The following UNC5D variants were observed in gnomAD, a reference collection of about 807,000 sequenced individuals.
UNC5D encodes netrin receptor UNC5D.
UNC5D carries 39 observed loss-of-function variants against 105.4 expected under a neutral mutation model. The ratio of observed to expected loss-of-function variants is 0.37; its 90% CI spans 0.29 to 0.48. UNC5D has a LOEUF of 0.48. UNC5D is among the 20% of genes least tolerant of loss of function. UNC5D has a pLI of 0.98. For missense variants in UNC5D, 991 were observed against 1,202.4 expected (o/e 0.82, Z 2.60); for synonymous variants, 452 against 450.4 (o/e 1.00, Z -0.04).
intron 1 of UNC5D, among the ~76,000 whole-genome samples, chr8:35,428,049 A>G (rs1312618290): frequency 6.6e-6 from 1 of 152,198 alleles, no homozygotes; most frequent in Non-Finnish European, 1.5e-5. Flanking sequence ...AGTGCTGCCC[A>G]GACTGAAATG....
At chr8:35,656,478 C>G (rs906671533) in intron 4 of UNC5D, among the ~76,000 whole-genome samples, 1 of 151,972 alleles carries the variant, frequency 6.6e-6, no homozygotes, top group African/African-American at 2.4e-5. Context: ...CCCCATCATC[C>G]AAGGGAAAAG....
At chr8:35,690,106 G>GT (rs1335580310) in intron 7 of UNC5D, among the ~76,000 whole-genome samples, 8 of 152,180 alleles carry the variant, frequency 5.3e-5, no homozygotes, top group African/African-American at 1.9e-4. Flanking sequence ...ACTTCAGCAT[G>GT]TTTTTTCTAG....
chr8:35,747,999 A>T (rs1408200179), intron 11 of UNC5D, among the ~76,000 whole-genome samples: 1 of 152,214 alleles, frequency 6.6e-6, no homozygotes, highest in Non-Finnish European at 1.5e-5. Context: ...GCAAAAAATA[A>T]ATGTTTTCAA....
rs192259412 is a variant in UNC5D at position 35,348,485 on chromosome 8, A to G, written c.103+112598A>G. On this transcript the variant is annotated intron_variant, in intron 1 of 16. Coordinates refer to ENST00000404895, the MANE Select transcript of UNC5D (RefSeq NM_080872.4). ...CTTTATTTCTTGTAATCAAATATGT[A>G]GAAATGCTATTTGGAGCTTTAGATT... Among the ~76,000 whole-genome samples the G allele has an allele frequency of 8.9e-4, 136 of 152,062 alleles. 1 individual carries two copies. Among genetic ancestry groups the G allele is most frequent in the Non-Finnish European group, 1.4e-3 (96 of 67,872 alleles).
intron 1 of UNC5D, among the ~76,000 whole-genome samples, chr8:35,243,312 A>G (rs1802905768): frequency 6.6e-6 from 1 of 152,246 alleles, no homozygotes; most frequent in Non-Finnish European, 1.5e-5. Context: ...TATAAAACAA[A>G]TAGGCATTCT....
chr8:35,606,900 A>G (rs550252164), intron 4 of UNC5D, among the ~76,000 whole-genome samples: 1 of 152,172 alleles, frequency 6.6e-6, no homozygotes, highest in African/African-American at 2.4e-5. Context: ...GAGGATTCCT[A>G]TGAGAGGACA....
Position 35,522,766 on chromosome 8 carries a change from T to C in UNC5D, c.104-26526T>C, listed in dbSNP as rs148830176. The stretch of plus-strand genomic sequence containing the variant: ...GATCTCTACTATCTCTTCTAAGCCT[T>C]AATATGTAATGATTCCAAAAGTAGA... On this transcript the variant is annotated intron_variant, in intron 1 of 16. Transcript: ENST00000404895. Among the ~76,000 whole-genome samples, 295 of 152,328 alleles carry C rather than the reference T, an allele frequency of 1.9e-3. 1 individual carries two copies. Among genetic ancestry groups the C allele is most frequent in the African/African-American group, 6.6e-3 (276 of 41,586 alleles).
chr8:35,427,269 C>T (rs1806314849), intron 1 of UNC5D, among the ~76,000 whole-genome samples: 2 of 152,158 alleles, frequency 1.3e-5, no homozygotes, highest in African/African-American at 4.8e-5. Flanking sequence ...TTCCTCCTTT[C>T]TCTTCTACTG....
chr8:35,508,563 C>G (rs991960510), intron 1 of UNC5D, among the ~76,000 whole-genome samples: 3 of 152,176 alleles, frequency 2.0e-5, no homozygotes, highest in African/African-American at 7.2e-5. Flanking sequence ...TCTAAAAAGA[C>G]AAATTGTACA....
chr8:35,303,020 G>A (rs1554505158), intron 1 of UNC5D, among the ~76,000 whole-genome samples: 1 of 151,950 alleles, frequency 6.6e-6, no homozygotes, highest in Non-Finnish European at 1.5e-5. Context: ...AGAAACAGGG[G>A]AAAGTAATTT....
chr8:35,297,828 G>A lies in UNC5D; in HGVS notation c.103+61941G>A, dbSNP rs1807611478. Among the ~76,000 whole-genome samples the A allele has an allele frequency of 2.6e-5, 4 of 151,846 alleles. No homozygotes were observed. The South Asian group carries it at 8.3e-4, about 32-fold the overall frequency. On this transcript the variant is annotated intron_variant, in intron 1 of 16. Transcript: ENST00000404895. The stretch of plus-strand genomic sequence containing the variant: ...TAATAAGGCTCCATATCTACAGTCA[G>A]CAGGTTGTTAAAAATACTAAAACCG...
intron 1 of UNC5D, among the ~76,000 whole-genome samples, chr8:35,501,666 A>C (rs1047831612): frequency 2.0e-5 from 3 of 152,194 alleles, no homozygotes; most frequent in Admixed American, 2.0e-4. Context: ...ATTTAAAATC[A>C]TGACTGTTAC....
rs75847020 is a variant in UNC5D at position 35,477,781 on chromosome 8, C to T, written c.104-71511C>T. ...CTCAGTGGTAATATTTGATACATAG[C>T]GCAACTTATAAAAAAAATATGTAGA... is the stretch of plus-strand genomic sequence containing the variant. On this transcript the variant is annotated intron_variant, in intron 1 of 16. Transcript: ENST00000404895. Among the ~76,000 whole-genome samples the T allele has an allele frequency of 4.2e-4, 64 of 151,948 alleles. No homozygotes were observed. The East Asian group carries it at 0.011, about 27-fold the overall frequency.
At chr8:35,625,776 T>C (rs893324006) in intron 4 of UNC5D, among the ~76,000 whole-genome samples, 3 of 152,200 alleles carry the variant, frequency 2.0e-5, no homozygotes, top group Admixed American at 1.3e-4. Flanking sequence ...TAAGGAACAT[T>C]AGTTACAAAT....
intron 14 of UNC5D, among the ~76,000 whole-genome samples, chr8:35,764,206 G>A (rs978547625): frequency 2.6e-5 from 4 of 152,156 alleles, no homozygotes; most frequent in African/African-American, 9.7e-5. Context: ...ATGGCAATCA[G>A]TTTCCAAAAG....
At chr8:35,617,361 T>A (rs1168465203) in intron 4 of UNC5D, among the ~76,000 whole-genome samples, 1 of 152,220 alleles carries the variant, frequency 6.6e-6, no homozygotes, top group Non-Finnish European at 1.5e-5. Flanking sequence ...GACCATTTTT[T>A]CTTCACAGGT....
intron 4 of UNC5D, among the ~76,000 whole-genome samples, chr8:35,602,463 G>A (rs1467525261): frequency 6.6e-6 from 1 of 152,068 alleles, no homozygotes; most frequent in Non-Finnish European, 1.5e-5. Flanking sequence ...ATTAATTATT[G>A]CCTCAATTTC....
intron 4 of UNC5D, among the ~76,000 whole-genome samples, chr8:35,656,033 T>C (rs1003833467): frequency 2.0e-5 from 3 of 152,232 alleles, no homozygotes; most frequent in Admixed American, 2.0e-4. Context: ...TTTTTAATTA[T>C]GCTTATGTAA....
chr8:35,431,507 T>C (rs1410782095), intron 1 of UNC5D, among the ~76,000 whole-genome samples: 1 of 152,148 alleles, frequency 6.6e-6, no homozygotes, highest in Non-Finnish European at 1.5e-5. Flanking sequence ...AGAATGTTTC[T>C]AGGACTTCAA....
Sources: gnomAD v4.1 joint callset for allele counts (sites outside exome capture counted in the v4.1 genomes callset) on GRCh38, gnomAD v4.1.1 for gene constraint, MANE v1.5 for transcripts, NCBI Gene and HGNC (gene_info 2026-07-23, HGNC 2026-07-21) for gene names.